Variants in ANGPT1 observed in about 807,000 individuals in gnomAD.
ANGPT1 encodes angiopoietin 1, also known as angiopoietin-1.
Under a neutral mutation model 62.2 loss-of-function variants are expected in ANGPT1, and 17 were observed. The observed-to-expected ratio is 0.27, with a 90% CI of 0.19 to 0.41. The LOEUF (loss-of-function observed/expected upper bound fraction) is 0.41, where lower values mean the gene tolerates loss of function less well. ANGPT1 is among the 10% of genes least tolerant of loss of function. The pLI is 1.00. For missense variants in ANGPT1, 478 were observed against 594.9 expected (o/e 0.80, Z 2.04); for synonymous variants, 199 against 198.9 (o/e 1.00, Z 0.00).
In ANGPT1 at chr8:107,250,477, CCT is replaced by C. The variant is rs1343421849; in HGVS notation, c.*1376_*1377del. On this transcript the variant is annotated 3_prime_UTR_variant, in exon 9 of 9. Transcript: ENST00000517746. ...ATAATAGTTTTGCCAATTTTTCTCC[CCT>C]GATAATAATTTTTAAAAATTAAAAA... is the stretch of plus-strand genomic sequence containing the variant. The C allele has an allele frequency of 1.3e-5, 2 of 151,800 alleles. No individual in the cohort carries two copies. Among genetic ancestry groups the C allele is most frequent in the South Asian group, 2.1e-4 (1 of 4,800 alleles). The allele number at this position is 151,800 out of a possible 1,614,324, so 9.4% of individuals were successfully genotyped here.
At position 107,249,773 on chromosome 8, in the gene ANGPT1, ATTATT is replaced by A. The variant is rs1027341375; in HGVS notation, c.*2077_*2081del. 2 of 152,122 alleles carry A rather than the reference ATTATT, an allele frequency of 1.3e-5. No individual in the cohort carries two copies. The highest frequency in any genetic ancestry group is 2.9e-5 in the Non-Finnish European group (2 of 67,982). The allele number at this position is 152,122 out of a possible 1,614,324, so 9.4% of individuals were successfully genotyped here. Reference sequence around the variant, plus strand: ...AGTAAATATCATGCTTTCTTTTTTTATTATTTTATTTTGTTTTTGTAATATGAGTT... The same window carrying A: ...AGTAAATATCATGCTTTCTTTTTTTATTATTTTGTTTTTGTAATATGAGTT... On this transcript the variant is annotated 3_prime_UTR_variant, in exon 9 of 9. Transcript: ENST00000517746.
At chr8:107,384,922 A>G (rs1816705167) in intron 1 of ANGPT1, among the ~76,000 whole-genome samples, 1 of 151,986 alleles carries the variant, frequency 6.6e-6, no homozygotes. Context: ...CAAAGATCAG[A>G]TGGTTGTAGG....
chr8:107,386,597 T>C (rs1816736118), intron 1 of ANGPT1, among the ~76,000 whole-genome samples: 1 of 152,052 alleles, frequency 6.6e-6, no homozygotes, highest in Non-Finnish European at 1.5e-5. Flanking sequence ...ACCTTAATGA[T>C]TAAGAACGAT....
Position 107,396,289 on chromosome 8 carries a change from T to A in ANGPT1, c.298-49192A>T, listed in dbSNP as rs554251223. Among the ~76,000 whole-genome samples the A allele has an allele frequency of 3.3e-5, 5 of 152,272 alleles. No homozygotes were observed. The South Asian group carries it at 1.0e-3, about 32-fold the overall frequency. On this transcript the variant is annotated intron_variant, in intron 1 of 8. Coordinates refer to ENST00000517746, the MANE Select transcript of ANGPT1 (RefSeq NM_001146.5). Reference sequence around the variant, plus strand: ...TATCCTATCCAATTAGCCAAATTACTTTTCATTCATCTGTGCATTTTGGCC... The same window carrying A: ...TATCCTATCCAATTAGCCAAATTACATTTCATTCATCTGTGCATTTTGGCC...
chr8:107,465,201 T>G (rs1812170557), intron 1 of ANGPT1, among the ~76,000 whole-genome samples: 1 of 152,078 alleles, frequency 6.6e-6, no homozygotes, highest in Admixed American at 6.6e-5. Flanking sequence ...ATATTCAGAA[T>G]TAATGTCAGA....
intron 4 of ANGPT1, among the ~76,000 whole-genome samples, chr8:107,319,688 A>G (rs1815106015): frequency 6.6e-6 from 1 of 152,042 alleles, no homozygotes; most frequent in Non-Finnish European, 1.5e-5. Context: ...GCTATTAGCC[A>G]TTTAAAATTT....
intron 1 of ANGPT1, among the ~76,000 whole-genome samples, chr8:107,453,016 T>C (rs1473554759): frequency 1.3e-5 from 2 of 152,214 alleles, no homozygotes; most frequent in East Asian, 1.9e-4. Context: ...ACTATAACTT[T>C]ACATCCAAAA....
chr8:107,310,618 A>G (rs1027760690), intron 4 of ANGPT1, among the ~76,000 whole-genome samples: 1 of 152,204 alleles, frequency 6.6e-6, no homozygotes, highest in Admixed American at 6.5e-5. Context: ...TGAGGATAGC[A>G]GAGAGCCACA....
At chr8:107,458,556 T>C (rs994757935) in intron 1 of ANGPT1, among the ~76,000 whole-genome samples, 3 of 152,180 alleles carry the variant, frequency 2.0e-5, no homozygotes, top group Non-Finnish European at 4.4e-5. Flanking sequence ...GTCTAGTAGA[T>C]AATTATTGGT....
chr8:107,290,357 G>A (rs1814244197), intron 6 of ANGPT1, among the ~76,000 whole-genome samples: 1 of 152,104 alleles, frequency 6.6e-6, no homozygotes, highest in Non-Finnish European at 1.5e-5. Flanking sequence ...ATATATAATA[G>A]TAGATTGGTA....
intron 1 of ANGPT1, among the ~76,000 whole-genome samples, chr8:107,418,567 G>A (rs1476561338): frequency 1.3e-5 from 2 of 152,176 alleles, no homozygotes; most frequent in African/African-American, 4.8e-5. Context: ...TTGTAAAGAT[G>A]AAGTGCAATA....
intron 1 of ANGPT1, among the ~76,000 whole-genome samples, chr8:107,466,592 C>T (rs532080951): frequency 1.2e-4 from 18 of 152,186 alleles, no homozygotes; most frequent in African/African-American, 4.1e-4. Flanking sequence ...AGGATTTCAG[C>T]ATCTGCATGA....
At chr8:107,440,408 A>G (rs556242623) in intron 1 of ANGPT1, among the ~76,000 whole-genome samples, 3 of 152,360 alleles carry the variant, frequency 2.0e-5, no homozygotes, top group African/African-American at 7.2e-5. Context: ...ATAGGCAGGT[A>G]GCAGCCCAAG....
chr8:107,321,252 T>C (rs962762796), intron 4 of ANGPT1, among the ~76,000 whole-genome samples: 1 of 152,042 alleles, frequency 6.6e-6, no homozygotes, highest in African/African-American at 2.4e-5. Context: ...ACTCCAGACA[T>C]TCTAGTGATA....
intron 1 of ANGPT1, among the ~76,000 whole-genome samples, chr8:107,397,221 A>G (rs1463972279): frequency 6.6e-6 from 1 of 152,118 alleles, no homozygotes; most frequent in African/African-American, 2.4e-5. Flanking sequence ...AAATATGCAT[A>G]TATGTATTTA....
chr8:107,288,505 T>TA (rs942360081), intron 6 of ANGPT1, among the ~76,000 whole-genome samples: 1 of 152,056 alleles, frequency 6.6e-6, no homozygotes, highest in Non-Finnish European at 1.5e-5. Flanking sequence ...GTGGGGGTTT[T>TA]AAAAAAATAC....
At chr8:107,345,352 T>TA (rs1815781351) in intron 2 of ANGPT1, among the ~76,000 whole-genome samples, 1 of 152,186 alleles carries the variant, frequency 6.6e-6, no homozygotes, top group South Asian at 2.1e-4. Context: ...CAGAACAATT[T>TA]ATCTCTCAAT....
chr8:107,389,693 T>C (rs991827032), intron 1 of ANGPT1, among the ~76,000 whole-genome samples: 3 of 152,174 alleles, frequency 2.0e-5, no homozygotes, highest in Non-Finnish European at 2.9e-5. Flanking sequence ...AGTAAACCTC[T>C]GTGCAAAAGA....
chr8:107,296,207 G>A (rs1814411909), intron 5 of ANGPT1, among the ~76,000 whole-genome samples: 1 of 152,090 alleles, frequency 6.6e-6, no homozygotes. Context: ...AAGGGTCAAA[G>A]AACGGGCTTT....
Sources: gnomAD v4.1 joint callset for allele counts (sites outside exome capture counted in the v4.1 genomes callset) on GRCh38, gnomAD v4.1.1 for gene constraint, MANE v1.5 for transcripts, NCBI Gene and HGNC (gene_info 2026-07-23, HGNC 2026-07-21) for gene names.